Variants in CEP128 observed in about 807,000 individuals in gnomAD.
CEP128 encodes the protein centrosomal protein 128kDa.
CEP128 carries 132 observed loss-of-function variants against 156.7 expected under a neutral mutation model. That is an observed-to-expected ratio of 0.84 (90% confidence interval 0.73 to 0.97). The LOEUF is 0.97. Among genes scored for constraint, CEP128 ranks in the 50% least tolerant of loss-of-function variants. CEP128 has a pLI of 0.00. For missense variants in CEP128, 1,252 were observed against 1,281.9 expected (o/e 0.98, Z 0.36); for synonymous variants, 469 against 448.9 (o/e 1.04, Z -0.57).
chr14:80,677,250 T>C, intron 19 of CEP128, among the ~76,000 whole-genome samples: 1 of 152,108 alleles, frequency 6.6e-6, no homozygotes, highest in East Asian at 1.9e-4. Flanking sequence ...CTGACACCTG[T>C]AATCCCAGCA....
At chr14:80,810,823 A>G (rs2139942546) in intron 13 of CEP128, among the ~76,000 whole-genome samples, 1 of 152,266 alleles carries the variant, frequency 6.6e-6, no homozygotes, top group East Asian at 1.9e-4. Context: ...CATGTGTAGG[A>G]TGTGCAGGTA....
intron 13 of CEP128, chr14:80,822,645 G>C (rs9323694): frequency 0.59 from 441,083 of 742,706 alleles, 133,078 homozygotes; most frequent in East Asian, 0.78. Context: ...GAACCCAAGC[G>C]TAAAAAGGCC....
chr14:80,929,645 T>G (rs536948178), intron 2 of CEP128, among the ~76,000 whole-genome samples: 1 of 152,300 alleles, frequency 6.6e-6, no homozygotes, highest in African/African-American at 2.4e-5. Flanking sequence ...TGTTCTCACT[T>G]ACAAGTGGGA....
At chr14:80,548,561 C>T (rs7160604) in intron 21 of CEP128, among the ~76,000 whole-genome samples, 38,101 of 152,038 alleles carry the variant, frequency 0.25, 5,859 homozygotes, top group African/African-American at 0.43. Context: ...GCATTTCTTA[C>T]ATGTGTTGTA....
At chr14:80,708,118 G>A (rs560101199) in intron 19 of CEP128, among the ~76,000 whole-genome samples, 4 of 151,542 alleles carry the variant, frequency 2.6e-5, no homozygotes, top group South Asian at 2.1e-4. Context: ...TTTTCTTCAC[G>A]TCCCCTATGG....
At chr14:80,675,188 T>C (rs558471206) in intron 19 of CEP128, among the ~76,000 whole-genome samples, 2 of 152,190 alleles carry the variant, frequency 1.3e-5, no homozygotes, top group South Asian at 4.1e-4. Flanking sequence ...TATAAGGCCT[T>C]GCTATTCAAA....
chr14:80,629,911 T>C (rs535633794), intron 19 of CEP128, among the ~76,000 whole-genome samples: 2 of 152,116 alleles, frequency 1.3e-5, no homozygotes, highest in South Asian at 4.1e-4. Flanking sequence ...TAAGAGAGAA[T>C]TGAATGTATA....
intron 19 of CEP128, among the ~76,000 whole-genome samples, chr14:80,671,130 C>CAGAAAG (rs1228608561): frequency 2.6e-5 from 4 of 152,036 alleles, no homozygotes; most frequent in Non-Finnish European, 4.4e-5. Context: ...AACAGAGATC[C>CAGAAAG]AGAAAGAATG....
At chr14:80,852,775 C>T (rs754172746) in intron 9 of CEP128, among the ~76,000 whole-genome samples, 6 of 151,604 alleles carry the variant, frequency 4.0e-5, no homozygotes, top group African/African-American at 2.4e-5. Context: ...AACTAAACCA[C>T]GAAATAGGAA....
chr14:80,755,441 C>G (rs1899605680), intron 18 of CEP128, among the ~76,000 whole-genome samples: 1 of 152,114 alleles, frequency 6.6e-6, no homozygotes, highest in South Asian at 2.1e-4. Flanking sequence ...GCTATTTTAC[C>G]TGTAAGTATA....
chr14:80,534,225 AC>A (rs1466073885), intron 21 of CEP128, among the ~76,000 whole-genome samples: 3 of 98,210 alleles, frequency 3.1e-5, no homozygotes, highest in African/African-American at 1.9e-4. Flanking sequence ...TAACATTGCA[AC>A]TTTTTTTTTT....
chr14:80,938,086 C>T (rs750120027), intron 2 of CEP128, among the ~76,000 whole-genome samples: 1 of 151,288 alleles, frequency 6.6e-6, no homozygotes, highest in Non-Finnish European at 1.5e-5. Flanking sequence ...TTTGTAGAGA[C>T]GGGGTCTTGC....
chr14:80,529,399 C>G (rs774663720), intron 22 of CEP128, among the ~76,000 whole-genome samples: 7 of 152,110 alleles, frequency 4.6e-5, no homozygotes, highest in Non-Finnish European at 8.8e-5. Flanking sequence ...TGATCACTAG[C>G]TCATAGGATT....
chr14:80,757,376 CTTT>C (rs1899719594), intron 17 of CEP128, among the ~76,000 whole-genome samples: 2 of 152,134 alleles, frequency 1.3e-5, no homozygotes, highest in Non-Finnish European at 2.9e-5. Flanking sequence ...ATTTATCCTT[CTTT>C]AATTTAATAG....
chr14:80,818,701 T>C (rs1347854788), intron 13 of CEP128, among the ~76,000 whole-genome samples: 1 of 152,224 alleles, frequency 6.6e-6, no homozygotes, highest in East Asian at 1.9e-4. Flanking sequence ...TTGCTTCCCT[T>C]AAATTAAACA....
Position 80,584,923 on chromosome 14 carries a change from A to T in CEP128, c.2807-4500T>A, listed in dbSNP as rs957403784. ...CTCTGCTCCCTTGCTCACCACTGAC[A>T]TGTTCGTGTTTTCTTTTATTACTCT... On this transcript the variant is annotated intron_variant, in intron 19 of 24. Coordinates refer to ENST00000555265, the MANE Select transcript of CEP128 (RefSeq NM_152446.5). Among the ~76,000 whole-genome samples the T allele has an allele frequency of 3.3e-5, 5 of 152,224 alleles. 1 individual carries two copies. The South Asian group carries it at 8.3e-4, about 25-fold the overall frequency.
chr14:80,861,960 T>G (rs1464124329), intron 9 of CEP128, among the ~76,000 whole-genome samples: 1 of 152,176 alleles, frequency 6.6e-6, no homozygotes, highest in East Asian at 1.9e-4. Context: ...TGGATGTATC[T>G]AGAATAAATG....
chr14:80,530,361 T>C (rs1488105030), intron 22 of CEP128, among the ~76,000 whole-genome samples: 2 of 152,316 alleles, frequency 1.3e-5, no homozygotes, highest in Admixed American at 6.5e-5. Context: ...GGCCATGAAA[T>C]ATGAAATGTG....
intron 19 of CEP128, among the ~76,000 whole-genome samples, chr14:80,664,209 TA>T (rs1452449009): frequency 6.6e-6 from 1 of 152,032 alleles, no homozygotes; most frequent in African/African-American, 2.4e-5. Context: ...CTAGATGTCC[TA>T]AAAAAGATGG....
Sources: allele counts gnomAD v4.1 joint callset (sites outside exome capture counted in the v4.1 genomes callset), GRCh38; gene constraint gnomAD v4.1.1; transcripts MANE v1.5; gene names NCBI Gene and HGNC (gene_info 2026-07-23, HGNC 2026-07-21).